Variants in MGMT observed in about 807,000 individuals in gnomAD.
MGMT encodes the protein methylated-DNA--protein-cysteine methyltransferase.
MGMT carries 14 observed loss-of-function variants against 15.9 expected under a neutral mutation model. That is an observed-to-expected ratio of 0.88 (90% CI 0.58 to 1.37). MGMT has a LOEUF of 1.37. MGMT is among the 40% of genes most tolerant of loss of function. The probability of loss-of-function intolerance (pLI) is 0.00; values close to 1 mark genes in which losing one functional copy is unlikely to be tolerated. For missense variants in MGMT, 282 were observed against 268.1 expected, an observed-to-expected ratio of 1.05 and a Z score of -0.36; for synonymous variants, 130 against 118.2, an observed-to-expected ratio of 1.10 and a Z score of -0.65.
chr10:129,491,905 T>C (rs1845472454), intron 1 of MGMT, among the ~76,000 whole-genome samples: 2 of 152,330 alleles, frequency 1.3e-5, no homozygotes, highest in East Asian at 3.9e-4. Flanking sequence ...TCTTATCTGC[T>C]AGCACCAGTA....
intron 2 of MGMT, among the ~76,000 whole-genome samples, chr10:129,707,451 C>T (rs1291262593): frequency 2.6e-5 from 4 of 152,044 alleles, no homozygotes; most frequent in Non-Finnish European, 5.9e-5. Flanking sequence ...ATCCCCTGAA[C>T]ACAGCACACG....
intron 2 of MGMT, among the ~76,000 whole-genome samples, chr10:129,584,331 G>C (rs867961460): frequency 2.6e-5 from 4 of 152,138 alleles, no homozygotes; most frequent in South Asian, 2.1e-4. Context: ...GTCCATGGGG[G>C]CCTGACAGGT....
At chr10:129,616,120 G>A (rs910745368) in intron 2 of MGMT, among the ~76,000 whole-genome samples, 4 of 152,204 alleles carry the variant, frequency 2.6e-5, no homozygotes, top group South Asian at 2.1e-4. Context: ...TGAAAGGCAG[G>A]GTGTGGGCAC....
intron 3 of MGMT, among the ~76,000 whole-genome samples, chr10:129,740,249 C>T (rs192109304): frequency 1.6e-4 from 25 of 152,272 alleles, no homozygotes; most frequent in Admixed American, 2.6e-4. Context: ...CTTGCCCTGC[C>T]TGGAGTATAT....
At chr10:129,719,061 C>T (rs1338480868) in intron 3 of MGMT, among the ~76,000 whole-genome samples, 1 of 152,214 alleles carries the variant, frequency 6.6e-6, no homozygotes, top group East Asian at 1.9e-4. Context: ...GTGTCACCGT[C>T]CCAGGCTGTC....
chr10:129,576,083 C>T (rs542006767), intron 2 of MGMT, among the ~76,000 whole-genome samples: 29 of 152,184 alleles, frequency 1.9e-4, no homozygotes, highest in Non-Finnish European at 3.4e-4. Flanking sequence ...CATATGGATT[C>T]GCAGCCGAAT....
chr10:129,685,860 G>A (rs772976582), intron 2 of MGMT, among the ~76,000 whole-genome samples: 3 of 152,186 alleles, frequency 2.0e-5, no homozygotes, highest in Non-Finnish European at 4.4e-5. Context: ...GGGTTTCTAA[G>A]TAATTGAATA....
chr10:129,540,646 CT>C (rs896074241), intron 2 of MGMT, among the ~76,000 whole-genome samples: 1 of 152,138 alleles, frequency 6.6e-6, no homozygotes, highest in Non-Finnish European at 1.5e-5. Flanking sequence ...GTATACTTTT[CT>C]TTTTTTGGTA....
intron 3 of MGMT, among the ~76,000 whole-genome samples, chr10:129,725,369 C>T (rs546518415): frequency 1.3e-5 from 2 of 152,330 alleles, no homozygotes; most frequent in South Asian, 4.1e-4. Context: ...CTGTCTGGCC[C>T]GAAGTTCCAT....
At chr10:129,618,470 A>G (rs965639730) in intron 2 of MGMT, among the ~76,000 whole-genome samples, 11 of 151,916 alleles carry the variant, frequency 7.2e-5, no homozygotes, top group South Asian at 2.1e-4. Flanking sequence ...TTTTTCCACA[A>G]TTGTTTTGGC....
chr10:129,676,292 C>T (rs766073519), intron 2 of MGMT, among the ~76,000 whole-genome samples: 16 of 152,172 alleles, frequency 1.1e-4, no homozygotes, highest in Non-Finnish European at 1.6e-4. Flanking sequence ...ACACTTTGGC[C>T]GCTGTCATGG....
At chr10:129,634,318 G>T (rs1847242206) in intron 2 of MGMT, among the ~76,000 whole-genome samples, 9 of 152,086 alleles carry the variant, frequency 5.9e-5, no homozygotes, top group Admixed American at 5.9e-4. Context: ...ATGCATCTTG[G>T]TGCAGTTCTT....
At chr10:129,631,077 G>A (rs1370937494) in intron 2 of MGMT, among the ~76,000 whole-genome samples, 3 of 152,026 alleles carry the variant, frequency 2.0e-5, no homozygotes, top group South Asian at 2.1e-4. Context: ...TTTGCTGCTC[G>A]TGTTTCCCAT....
intron 2 of MGMT, among the ~76,000 whole-genome samples, chr10:129,694,495 A>G (rs1356299793): frequency 6.6e-6 from 1 of 152,180 alleles, no homozygotes; most frequent in Non-Finnish European, 1.5e-5. Flanking sequence ...AAGGCATACA[A>G]AATTGGACTT....
intron 2 of MGMT, chr10:129,700,527 TC>T (rs1848086567): frequency 6.6e-6 from 1 of 152,120 alleles, no homozygotes; most frequent in Non-Finnish European, 1.5e-5. Flanking sequence ...TGTTTGACCC[TC>T]ACCTTCCCTT....
intron 2 of MGMT, among the ~76,000 whole-genome samples, chr10:129,567,589 A>T (rs1260017031): frequency 6.6e-6 from 1 of 152,154 alleles, no homozygotes; most frequent in Non-Finnish European, 1.5e-5. Context: ...ACCTTATTCA[A>T]GGGGAAAAAA....
chr10:129,617,294 T>G (rs929606975), intron 2 of MGMT, among the ~76,000 whole-genome samples: 4 of 152,230 alleles, frequency 2.6e-5, no homozygotes, highest in Non-Finnish European at 5.9e-5. Flanking sequence ...TATTCTGTGG[T>G]GTATATTTAC....
chr10:129,678,531 C>G (rs188063482), intron 2 of MGMT, among the ~76,000 whole-genome samples: 4 of 152,154 alleles, frequency 2.6e-5, no homozygotes, highest in African/African-American at 9.7e-5. Context: ...CCTCAGGCAG[C>G]AGGAAAGACT....
At chr10:129,534,973 C>G (rs1239542426) in intron 1 of MGMT, among the ~76,000 whole-genome samples, 1 of 152,182 alleles carries the variant, frequency 6.6e-6, no homozygotes, top group African/African-American at 2.4e-5. Context: ...ACGGAAGCAG[C>G]AGGAGATTGT....
Sources: gnomAD v4.1 joint callset for allele counts (sites outside exome capture counted in the v4.1 genomes callset) on GRCh38, gnomAD v4.1.1 for gene constraint, MANE v1.5 for transcripts, NCBI Gene and HGNC (gene_info 2026-07-23, HGNC 2026-07-21) for gene names.